ZWILCH: variants seen among roughly 807,000 people sequenced by gnomAD.
The protein encoded by ZWILCH is protein zwilch homolog.
In ZWILCH, 74 loss-of-function variants were observed where a neutral mutation model predicts 79.9. The ratio of observed to expected loss-of-function variants is 0.93; its 90% CI spans 0.77 to 1.12. ZWILCH has a LOEUF of 1.12. ZWILCH is among the 50% of genes most tolerant of loss of function. The pLI, the probability that ZWILCH is intolerant of heterozygous loss-of-function variation, is 0.00. For missense variants in ZWILCH, 694 were observed against 687.5 expected, an observed-to-expected ratio of 1.01 and a Z score of -0.11; for synonymous variants, 241 against 228.2, an observed-to-expected ratio of 1.06 and a Z score of -0.51.
At chr15:66,517,274 C>G (rs1309667216) in intron 4 of ZWILCH, among the ~76,000 whole-genome samples, 1 of 151,088 alleles carries the variant, frequency 6.6e-6, no homozygotes, top group Non-Finnish European at 1.5e-5. Flanking sequence ...TCTCTTGTGT[C>G]TCTTTCTAGA....
chr15:66,527,658 G>A (rs1894719562), intron 9 of ZWILCH, among the ~76,000 whole-genome samples, 199 bp from the exon 10 acceptor site: 1 of 151,984 alleles, frequency 6.6e-6, no homozygotes, highest in Non-Finnish European at 1.5e-5. Context: ...ATGTGTCAGG[G>A]GCTTTTCTGT....
chr15:66,549,841 G>GT lies in ZWILCH; in HGVS notation c.*1520dup. The GT allele has an allele frequency of 2.4e-6, 1 of 423,884 alleles. No homozygotes were observed. The allele number at this position is 423,884 out of a possible 1,614,324, so 26.3% of individuals were successfully genotyped here. On this transcript the variant is annotated 3_prime_UTR_variant, in exon 19 of 19. Coordinates refer to ENST00000307897, the MANE Select transcript of ZWILCH (RefSeq NM_017975.5). ...CTTGAATGGATAAAATGGATAAAATGTTTATCTTTCATGGTAGATTAAATG... is the reference window on the plus strand; with the variant it reads ...CTTGAATGGATAAAATGGATAAAATGTTTTATCTTTCATGGTAGATTAAATG...
At chr15:66,538,794 G>C (rs1375855766) in intron 16 of ZWILCH, among the ~76,000 whole-genome samples, 1 of 152,034 alleles carries the variant, frequency 6.6e-6, no homozygotes, top group Non-Finnish European at 1.5e-5. Context: ...CTACCTCTCT[G>C]GCCCATCTGA....
At position 66,549,438 on chromosome 15, in the gene ZWILCH, C is replaced by G. The variant is rs1307601243; in HGVS notation, c.*1114C>G. ...GCTTGTTAAAAAGGAAAGCATATTTCTCTGATTGCCCTTATGGAGAAATAA... is the reference window on the plus strand; with the variant it reads ...GCTTGTTAAAAAGGAAAGCATATTTGTCTGATTGCCCTTATGGAGAAATAA... On this transcript the variant is annotated 3_prime_UTR_variant, in exon 19 of 19. Coordinates refer to ENST00000307897, the MANE Select transcript of ZWILCH (RefSeq NM_017975.5). 6.6e-6 allele frequency: 1 copy of G among 152,174 alleles called. No homozygotes were observed. The highest frequency in any genetic ancestry group is 1.5e-5 in the Non-Finnish European group (1 of 68,026). The allele number at this position is 152,174 out of a possible 1,614,324, so 9.4% of individuals were successfully genotyped here.
chr15:66,513,705 G>A (rs1238636211), intron 2 of ZWILCH, among the ~76,000 whole-genome samples: 1 of 151,974 alleles, frequency 6.6e-6, no homozygotes, highest in Non-Finnish European at 1.5e-5. Flanking sequence ...CTGAGCAGCT[G>A]GGACTACAGG....
chr15:66,532,469 G>T, intron 13 of ZWILCH, 66 bp downstream of exon 13: 3 of 1,419,856 alleles, frequency 2.1e-6, no homozygotes, highest in Middle Eastern at 4.1e-4. Context: ...AGATATTCTC[G>T]GATTTTCTGT....
chr15:66,534,035 A>G (rs1426777666), intron 14 of ZWILCH, among the ~76,000 whole-genome samples: 3 of 152,080 alleles, frequency 2.0e-5, no homozygotes, highest in Non-Finnish European at 4.4e-5. Context: ...GAGCCGGGGA[A>G]GTTGAAGCTG....
At position 66,536,053 on chromosome 15, in the gene ZWILCH, CTCTTTTCTT is replaced by C. The variant is rs1567050656; in HGVS notation, c.1464_1472del (p.Phe489_Leu491del). ...TTTCATTAAATCTCAACATGAACTC[CTCTTTTCTT>C]TAACACAGTAAGTACATCTGTATTC... is the stretch of plus-strand genomic sequence containing the variant. On this transcript the variant is annotated inframe_deletion, in exon 15 of 19. Transcript: ENST00000307897. 1 of 1,606,454 alleles carries C rather than the reference CTCTTTTCTT, an allele frequency of 6.2e-7. No individual in the cohort carries two copies. Among genetic ancestry groups the C allele is most frequent in the South Asian group, 1.1e-5 (1 of 89,394 alleles).
intron 17 of ZWILCH, among the ~76,000 whole-genome samples, chr15:66,545,999 A>G (rs890858499): frequency 6.6e-6 from 1 of 152,208 alleles, no homozygotes; most frequent in Non-Finnish European, 1.5e-5. Context: ...CACCATGGAA[A>G]GAGAGAGGGT....
Position 66,537,197 on chromosome 15 carries a change from C to G in ZWILCH, c.1508C>G (p.Pro503Arg). 6.2e-7 allele frequency: 1 copy of G among 1,613,278 alleles called. No individual in the cohort carries two copies. Among genetic ancestry groups the G allele is most frequent in the Non-Finnish European group, 8.5e-7 (1 of 1,179,746 alleles). ...QICIKYYKQN[P>R]LDEQHIFQLP... The stretch of plus-strand genomic sequence containing the variant: ...TGCATAAAGTATTACAAACAAAATC[C>G]TCTTGATGAGCAACACATTTTTCAG... The change falls in exon 16 of 19, where the codon CCT (proline) becomes CGT (arginine). Residue 503 changes from proline to arginine, a missense_variant. Coordinates refer to ENST00000307897, the MANE Select transcript of ZWILCH (RefSeq NM_017975.5).
intron 4 of ZWILCH, among the ~76,000 whole-genome samples, chr15:66,517,455 T>TATATAG (rs1180456312): frequency 5.8e-4 from 67 of 114,998 alleles, no homozygotes; most frequent in East Asian, 2.6e-3. Context: ...TATATATATA[T>TATATAG]AGTAATGTAC....
intron 1 of ZWILCH, 133 bp from the exon 2 acceptor site, chr15:66,508,708 G>T: frequency 7.0e-7 from 1 of 1,438,196 alleles, no homozygotes; most frequent in Non-Finnish European, 9.2e-7. Flanking sequence ...CTACATCTTA[G>T]GGCTGCTGTA....
chr15:66,542,363 A>G lies in ZWILCH; in HGVS notation c.1687+2153A>G, dbSNP rs1249303012. Among the ~76,000 whole-genome samples the G allele has an allele frequency of 2.0e-5, 3 of 152,212 alleles. 1 individual carries two copies. Among genetic ancestry groups the G allele is most frequent in the African/African-American group, 7.2e-5 (3 of 41,452 alleles). ...CACTTTGGGAGGTCCAGGCAAGTGG[A>G]TCACGAGGTCAGGAGATCATGACCA... On this transcript the variant is annotated intron_variant, in intron 17 of 18. Coordinates refer to ENST00000307897, the MANE Select transcript of ZWILCH (RefSeq NM_017975.5).
chr15:66,549,508 A>T lies in ZWILCH; in HGVS notation c.*1184A>T, dbSNP rs1895514888. Reference sequence around the variant, plus strand: ...AAATAATATGTGTTGGCATTTCTTGATGCATAGTTGCATCTTTGTTATTCG... The same window carrying T: ...AAATAATATGTGTTGGCATTTCTTGTTGCATAGTTGCATCTTTGTTATTCG... On this transcript the variant is annotated 3_prime_UTR_variant, in exon 19 of 19. Coordinates refer to ENST00000307897, the MANE Select transcript of ZWILCH (RefSeq NM_017975.5). 6.6e-6 allele frequency: 1 copy of T among 152,206 alleles called. No individual in the cohort carries two copies. The highest frequency in any genetic ancestry group is 1.5e-5 in the Non-Finnish European group (1 of 68,030). The allele number at this position is 152,206 out of a possible 1,614,324, so 9.4% of individuals were successfully genotyped here. A position where few individuals can be genotyped will look rare whatever the true frequency, so the allele number is the denominator to read the frequency against.
intron 17 of ZWILCH, among the ~76,000 whole-genome samples, chr15:66,540,454 A>G (rs1386311105): frequency 6.6e-6 from 1 of 151,978 alleles, no homozygotes; most frequent in Non-Finnish European, 1.5e-5. Context: ...TCACGTGGCT[A>G]AGGCACAAGA....
In ZWILCH at chr15:66,550,037, T is replaced by G. The variant is rs773843306; in HGVS notation, c.*1713T>G. 1.9e-6 allele frequency: 3 copies of G among 1,587,954 alleles called. No individual in the cohort carries two copies. The highest frequency in any genetic ancestry group is 2.6e-6 in the Non-Finnish European group (3 of 1,166,272). On this transcript the variant is annotated 3_prime_UTR_variant, in exon 19 of 19. Coordinates refer to ENST00000307897, the MANE Select transcript of ZWILCH (RefSeq NM_017975.5). ...AAGGAAAACATTGAAATATACTGACTCACCTGCAGCAAGCATCTGATTGTT... is the reference window on the plus strand; with the variant it reads ...AAGGAAAACATTGAAATATACTGACGCACCTGCAGCAAGCATCTGATTGTT...
chr15:66,523,803 T>C, intron 8 of ZWILCH, 55 bp downstream of exon 8: 1 of 1,370,616 alleles, frequency 7.3e-7, no homozygotes, highest in Non-Finnish European at 1.0e-6. Context: ...TAAACATGTG[T>C]GCTATTGTTG....
chr15:66,528,809 A>C, intron 10 of ZWILCH, 43 bp from the exon 11 acceptor site: 1 of 1,313,846 alleles, frequency 7.6e-7, no homozygotes, highest in Non-Finnish European at 1.1e-6. Context: ...TATTTCACTT[A>C]AAAAAAAAAC....
intron 3 of ZWILCH, among the ~76,000 whole-genome samples, chr15:66,514,720 T>C (rs1178104680): frequency 6.6e-6 from 1 of 152,198 alleles, no homozygotes; most frequent in Non-Finnish European, 1.5e-5. Flanking sequence ...AAAACTCCCT[T>C]GTTGTTATTA....
Sources: gnomAD v4.1 joint callset for allele counts (sites outside exome capture counted in the v4.1 genomes callset) on GRCh38, gnomAD v4.1.1 for gene constraint, MANE v1.5 for transcripts, NCBI Gene and HGNC (gene_info 2026-07-23, HGNC 2026-07-21) for gene names.